The following KCND2 variants were observed in gnomAD, a reference collection of about 807,000 sequenced individuals.
The protein encoded by KCND2 is A-type voltage-gated potassium channel KCND2.
KCND2 carries 16 observed loss-of-function variants against 54.4 expected under a neutral mutation model. The observed-to-expected ratio is 0.29, with a 90% confidence interval of 0.20 to 0.45. The LOEUF is 0.45. Ranked by LOEUF, KCND2 falls within the 20% of genes least tolerant of loss-of-function variation. KCND2 has a pLI of 1.00. For synonymous variants in KCND2, 317 were observed against 310.7 expected, an observed-to-expected ratio of 1.02 and a Z score of -0.21; for missense variants, 486 against 824.2, an observed-to-expected ratio of 0.59 and a Z score of 5.02.
At chr7:120,703,759 C>T (rs1332271712) in intron 1 of KCND2, among the ~76,000 whole-genome samples, 3 of 152,140 alleles carry the variant, frequency 2.0e-5, no homozygotes, top group Admixed American at 2.0e-4. Context: ...GTGGTGTCAG[C>T]GATGTCACAT....
intron 1 of KCND2, among the ~76,000 whole-genome samples, chr7:120,491,670 A>T (rs1397953824): frequency 6.6e-6 from 1 of 152,094 alleles, no homozygotes; most frequent in Admixed American, 6.6e-5. Flanking sequence ...TGTTAGTGAT[A>T]TAAAAGCTAA....
chr7:120,640,798 G>C (rs1240977727), intron 1 of KCND2, among the ~76,000 whole-genome samples: 1 of 152,170 alleles, frequency 6.6e-6, no homozygotes, highest in Admixed American at 6.5e-5. Flanking sequence ...TTATTCATCA[G>C]CCCACTGTAT....
intron 1 of KCND2, among the ~76,000 whole-genome samples, chr7:120,420,546 G>A (rs1414865225): frequency 6.6e-6 from 1 of 152,200 alleles, no homozygotes; most frequent in Non-Finnish European, 1.5e-5. Flanking sequence ...CCTCAGTACA[G>A]CAGAGAGGTA....
chr7:120,496,578 C>G (rs766080355), intron 1 of KCND2, among the ~76,000 whole-genome samples: 13 of 141,232 alleles, frequency 9.2e-5, no homozygotes, highest in Non-Finnish European at 1.5e-4. Context: ...GTTCCCACCA[C>G]CACGCCTGGC....
chr7:120,483,365 T>C (rs768921551), intron 1 of KCND2, among the ~76,000 whole-genome samples: 8 of 152,176 alleles, frequency 5.3e-5, no homozygotes, highest in Non-Finnish European at 8.8e-5. Flanking sequence ...AAAAGCTCAA[T>C]AGGCAACTGA....
chr7:120,614,077 A>G (rs1792991606), intron 1 of KCND2, among the ~76,000 whole-genome samples: 2 of 151,812 alleles, frequency 1.3e-5, no homozygotes, highest in South Asian at 4.2e-4. Flanking sequence ...CAGTGGCACA[A>G]TCTCGGCTCA....
intron 1 of KCND2, among the ~76,000 whole-genome samples, chr7:120,655,653 AATTTTAAACTTGATTCTAGATTGTTC>A (rs1230138029): frequency 6.6e-6 from 1 of 152,114 alleles, no homozygotes; most frequent in Non-Finnish European, 1.5e-5. Flanking sequence ...AACCAAGTCA[AATTTTAAACTTGATTCTAGATTGTTC>A]ATGACCTACT....
chr7:120,744,989 T>C (rs1326557304), intron 4 of KCND2, among the ~76,000 whole-genome samples: 1 of 152,142 alleles, frequency 6.6e-6, no homozygotes, highest in African/African-American at 2.4e-5. Flanking sequence ...AAATACGATA[T>C]GCGAAATGAT....
chr7:120,480,632 A>G (rs1351641484), intron 1 of KCND2, among the ~76,000 whole-genome samples: 1 of 152,198 alleles, frequency 6.6e-6, no homozygotes, highest in South Asian at 2.1e-4. Context: ...TAAAACGATC[A>G]GTTCAGGTTT....
chr7:120,605,994 T>C lies in KCND2; in HGVS notation c.1116-126909T>C, dbSNP rs527974799. ...GGTTTTTTCTGTGCTGTTCTCAAGA[T>C]AGTGAATAAGTCTCATGAAATCTGA... On this transcript the variant is annotated intron_variant, in intron 1 of 5. Coordinates refer to ENST00000331113, the MANE Select transcript of KCND2 (RefSeq NM_012281.3). Among the ~76,000 whole-genome samples the C allele has an allele frequency of 3.9e-5, 6 of 152,260 alleles. 1 individual carries two copies. In the South Asian group the frequency reaches 1.0e-3, roughly 26 times the overall value.
intron 1 of KCND2, among the ~76,000 whole-genome samples, chr7:120,279,671 C>T (rs917491103): frequency 6.6e-6 from 1 of 151,772 alleles, no homozygotes; most frequent in East Asian, 1.9e-4. Context: ...AATTTTTGTG[C>T]GTTTGGTGAA....
chr7:120,327,998 C>T (rs949964433), intron 1 of KCND2, among the ~76,000 whole-genome samples: 1 of 152,080 alleles, frequency 6.6e-6, no homozygotes, highest in Non-Finnish European at 1.5e-5. Flanking sequence ...ACAATGAGCA[C>T]CTATCAAGCT....
chr7:120,312,231 C>T (rs889397034), intron 1 of KCND2, among the ~76,000 whole-genome samples: 4 of 151,910 alleles, frequency 2.6e-5, no homozygotes, highest in East Asian at 1.9e-4. Context: ...TTTAAATGAC[C>T]GCGTAGTATT....
chr7:120,468,839 T>C (rs1802415174), intron 1 of KCND2, among the ~76,000 whole-genome samples: 1 of 152,160 alleles, frequency 6.6e-6, no homozygotes, highest in Non-Finnish European at 1.5e-5. Flanking sequence ...ATAATGCGAT[T>C]GCACAGGATA....
chr7:120,335,411 A>AG (rs1014655843), intron 1 of KCND2, among the ~76,000 whole-genome samples: 34 of 148,438 alleles, frequency 2.3e-4, no homozygotes, highest in African/African-American at 8.4e-4. Flanking sequence ...ACCTGATAGC[A>AG]GGCCTTGGTT....
At chr7:120,380,871 T>A (rs1401686740) in intron 1 of KCND2, among the ~76,000 whole-genome samples, 1 of 152,128 alleles carries the variant, frequency 6.6e-6, no homozygotes, top group Non-Finnish European at 1.5e-5. Context: ...TTGTTTTAGA[T>A]GCATTTACCT....
chr7:120,348,836 G>A (rs1013500293), intron 1 of KCND2, among the ~76,000 whole-genome samples: 4 of 152,010 alleles, frequency 2.6e-5, no homozygotes, highest in African/African-American at 4.8e-5. Context: ...TTTTACTGTT[G>A]CTACTTAATT....
chr7:120,639,818 T>G (rs1483384661), intron 1 of KCND2, among the ~76,000 whole-genome samples: 2 of 152,128 alleles, frequency 1.3e-5, no homozygotes, highest in African/African-American at 4.8e-5. Context: ...GAACAAAAGC[T>G]TCACACAAAA....
intron 1 of KCND2, among the ~76,000 whole-genome samples, chr7:120,644,637 GAT>G (rs1793416243): frequency 1.3e-5 from 2 of 152,156 alleles, no homozygotes; most frequent in South Asian, 4.1e-4. Flanking sequence ...TTCCGACAGA[GAT>G]AGTGATATGC....
Sources: allele counts gnomAD v4.1 joint callset (sites outside exome capture counted in the v4.1 genomes callset), GRCh38; gene constraint gnomAD v4.1.1; transcripts MANE v1.5; gene names NCBI Gene and HGNC (gene_info 2026-07-23, HGNC 2026-07-21).